The following GABPB2 variants were observed in gnomAD, a reference collection of about 807,000 sequenced individuals.
The protein encoded by GABPB2 is GA binding protein transcription factor subunit beta 2.
GABPB2 carries 23 observed loss-of-function variants against 39.1 expected under a neutral mutation model. That is an observed-to-expected ratio of 0.59 (90% CI 0.42 to 0.83). The LOEUF (loss-of-function observed/expected upper bound fraction) is 0.83. GABPB2 is among the 40% of genes least tolerant of loss of function. GABPB2 has a pLI of 0.00. For synonymous variants in GABPB2, 184 were observed against 199.3 expected (o/e 0.92, Z 0.65); for missense variants, 467 against 541.1 (o/e 0.86, Z 1.36).
chr1:151,098,860 GA>G (rs1679305557), intron 5 of GABPB2, among the ~76,000 whole-genome samples: 1 of 152,078 alleles, frequency 6.6e-6, no homozygotes, highest in South Asian at 2.1e-4. Context: ...GAAGTGGGTG[GA>G]TCACCTGAAG....
chr1:151,103,530 T>C lies in GABPB2; in HGVS notation c.623-32T>C, dbSNP rs762295307. 9 of 1,449,282 alleles carry C rather than the reference T, an allele frequency of 6.2e-6. No individual in the cohort carries two copies. The Admixed American group carries it at 1.5e-4, about 25-fold the overall frequency. 89.8% of individuals were successfully genotyped at this position (1,449,282 alleles called of 1,614,324 possible). Reference sequence around the variant, plus strand: ...AATTTGCCTCAATTTTTTCTCTACATTGGACCTCATTTGTCTTTCTTACTG... The same window carrying C: ...AATTTGCCTCAATTTTTTCTCTACACTGGACCTCATTTGTCTTTCTTACTG... On this transcript the variant is annotated intron_variant, in intron 5 of 8. Transcript: ENST00000368918.
rs1405982484 is a variant in GABPB2, at chr1:151,107,123, A to G, written c.823A>G (p.Ile275Val). 6.2e-7 allele frequency: 1 copy of G among 1,613,478 alleles called. No individual in the cohort carries two copies. The highest frequency in any genetic ancestry group is 8.5e-7 in the Non-Finnish European group (1 of 1,179,570). ...MGSGGQRVIT[I>V]VTDGVPLGNI... ...GAGTGGAGGCCAGAGGGTCATCACC[A>G]TAGTGACTGATGGAGTCCCTCTGGG... The change falls in exon 7 of 9, where the codon ATA (isoleucine) becomes GTA (valine). Residue 275 changes from isoleucine to valine, a missense_variant. Ile to Val is a conservative substitution (Grantham distance 29). Coordinates refer to ENST00000368918, the MANE Select transcript of GABPB2 (RefSeq NM_144618.3).
In GABPB2 at chr1:151,107,091, T is replaced by C. The variant is rs370984715; in HGVS notation, c.791T>C (p.Val264Ala). 134 of 1,613,034 alleles carry C rather than the reference T, an allele frequency of 8.3e-5. No individual in the cohort carries two copies. The highest frequency in any genetic ancestry group is 1.1e-4 in the Non-Finnish European group (134 of 1,179,598). Residue 264 changes from valine (V) to alanine (A), a missense_variant, in exon 7 of 9, where the codon GTA (valine) becomes GCA (alanine). By Grantham distance (64) the Val-to-Ala change is moderately conservative (BLOSUM62 0). Transcript: ENST00000368918. ...TCCGTTGACTCATCAATCCAGCAAGTAATGGGGAGTGGAGGCCAGAGGGTC... is the reference window on the plus strand; with the variant it reads ...TCCGTTGACTCATCAATCCAGCAAGCAATGGGGAGTGGAGGCCAGAGGGTC... ...GNSVDSSIQQVMGSGGQRVIT... is the reference protein window; with the variant it reads ...GNSVDSSIQQAMGSGGQRVIT...
intron 6 of GABPB2, among the ~76,000 whole-genome samples, chr1:151,105,693 G>T (rs1254387208): frequency 1.3e-5 from 2 of 151,852 alleles, no homozygotes; most frequent in Non-Finnish European, 2.9e-5. Flanking sequence ...TTTCAAATTT[G>T]GGGGGATGGT....
In GABPB2 at chr1:151,121,292, G is replaced by A. The variant is rs1026881231; in HGVS notation, c.*3036G>A. The stretch of plus-strand genomic sequence containing the variant: ...TTGTGCCTTATAGGGTGCTCAGTGT[G>A]TGTTGACAAAGGGAATAAGAACTGT... On this transcript the variant is annotated 3_prime_UTR_variant, in exon 9 of 9. Transcript: ENST00000368918. 1 of 152,120 alleles carries A rather than the reference G, an allele frequency of 6.6e-6. No individual in the cohort carries two copies. Among genetic ancestry groups the A allele is most frequent in the South Asian group, 2.1e-4 (1 of 4,832 alleles). 9.4% of individuals were successfully genotyped at this position (152,120 alleles called of 1,614,324 possible).
chr1:151,088,272 A>AC lies in GABPB2; in HGVS notation c.83_84insC (p.Gly29TrpfsTer35). The AC allele has an allele frequency of 4.3e-6, 7 of 1,613,830 alleles. No individual in the cohort carries two copies. The highest frequency in any genetic ancestry group is 5.9e-6 in the Non-Finnish European group (7 of 1,179,822). ...GATGAAGTGAGAACGTTGATGGCAA[A>AC]TGGCGCCCCATTCACCACAGACTGG... On this transcript the variant is annotated frameshift_variant, in exon 2 of 9. Coordinates refer to ENST00000368918, the MANE Select transcript of GABPB2 (RefSeq NM_144618.3). LOFTEE classifies it high-confidence loss of function.
At chr1:151,095,800 G>A (rs766885233) in intron 4 of GABPB2, among the ~76,000 whole-genome samples, 12 of 152,264 alleles carry the variant, frequency 7.9e-5, no homozygotes, top group Non-Finnish European at 1.6e-4. Flanking sequence ...TTGGGAGGCC[G>A]AGGTGGGTGA....
intron 1 of GABPB2, among the ~76,000 whole-genome samples, chr1:151,081,206 A>G (rs1386318101): frequency 6.6e-6 from 1 of 151,418 alleles, no homozygotes; most frequent in Non-Finnish European, 1.5e-5. Context: ...ATATATCTTC[A>G]GGCCTGGTGT....
chr1:151,093,451 C>T (rs1678873336), intron 4 of GABPB2, 65 bp downstream of exon 4: 3 of 1,318,080 alleles, frequency 2.3e-6, no homozygotes, highest in Admixed American at 2.7e-5. Context: ...TTTGTAGGAG[C>T]TGAATCAAAA....
chr1:151,101,161 G>A lies in GABPB2; in HGVS notation c.623-2401G>A, dbSNP rs184990265. On this transcript the variant is annotated intron_variant, in intron 5 of 8. Transcript: ENST00000368918. ...CCAGCTACTTGGGAGGCTGAGGTGG[G>A]AGAACAGCTTGGGCCTGGGAGGCAG... is the stretch of plus-strand genomic sequence containing the variant. 3.2e-3 allele frequency among the ~76,000 whole-genome samples: 493 copies of A among 152,240 alleles called. 2 individuals carry two copies. The highest frequency in any genetic ancestry group is 8.3e-3 in the South Asian group (40 of 4,822).
At chr1:151,085,911 T>C (rs1316501683) in intron 1 of GABPB2, among the ~76,000 whole-genome samples, 1 of 152,060 alleles carries the variant, frequency 6.6e-6, no homozygotes, top group East Asian at 1.9e-4. Context: ...GGACAGATCA[T>C]GCAGAATAGT....
intron 4 of GABPB2, 111 bp from the exon 5 acceptor site, chr1:151,097,741 T>G: frequency 9.7e-7 from 1 of 1,035,898 alleles, no homozygotes; most frequent in Non-Finnish European, 1.4e-6. Context: ...ATCGTGCCAC[T>G]GCACTCCAGC....
chr1:151,091,592 A>C (rs951735900), intron 3 of GABPB2, among the ~76,000 whole-genome samples: 3 of 150,324 alleles, frequency 2.0e-5, no homozygotes, highest in African/African-American at 7.3e-5. Flanking sequence ...CTCCTACCTC[A>C]GCCTCCCAAG....
intron 7 of GABPB2, chr1:151,112,749 G>T: frequency 5.4e-6 from 1 of 186,140 alleles, no homozygotes; most frequent in South Asian, 1.1e-4. Context: ...AGAGTGCAAC[G>T]AGGTAAAAGG....
chr1:151,071,476 T>G (rs1306562513), intron 1 of GABPB2, among the ~76,000 whole-genome samples: 3 of 68,386 alleles, frequency 4.4e-5, no homozygotes, highest in Non-Finnish European at 9.6e-5. Context: ...TTTTCAAAAC[T>G]GAGTCTTGCT....
chr1:151,103,561 G>A lies in GABPB2; in HGVS notation c.623-1G>A. The A allele has an allele frequency of 1.2e-6, 2 of 1,606,256 alleles. No individual in the cohort carries two copies. The highest frequency in any genetic ancestry group is 1.7e-6 in the Non-Finnish European group (2 of 1,173,626). ...CTCATTTGTCTTTCTTACTGAAATAGGTGACCCCCATGCCTCAACAGTACA... is the reference window on the plus strand; with the variant it reads ...CTCATTTGTCTTTCTTACTGAAATAAGTGACCCCCATGCCTCAACAGTACA... On this transcript the variant is annotated splice_acceptor_variant, in intron 5 of 8. Transcript: ENST00000368918. LOFTEE classifies it high-confidence loss of function.
chr1:151,079,065 A>T (rs960469218), intron 1 of GABPB2, among the ~76,000 whole-genome samples: 1 of 152,158 alleles, frequency 6.6e-6, no homozygotes. Context: ...ACGCATTTCT[A>T]TATCTTTCTT....
At chr1:151,094,307 C>T (rs1428144319) in intron 4 of GABPB2, among the ~76,000 whole-genome samples, 4 of 151,532 alleles carry the variant, frequency 2.6e-5, no homozygotes, top group Non-Finnish European at 5.9e-5. Context: ...CTGCCTTGGC[C>T]TCTCAAAGTG....
intron 1 of GABPB2, among the ~76,000 whole-genome samples, chr1:151,081,479 G>A (rs949856704): frequency 9.2e-5 from 14 of 151,838 alleles, no homozygotes; most frequent in Non-Finnish European, 1.3e-4. Context: ...ACAGAGCAGC[G>A]AAACCCTGTC....
Sources: gnomAD v4.1 joint callset for allele counts (sites outside exome capture counted in the v4.1 genomes callset) on GRCh38, gnomAD v4.1.1 for gene constraint, MANE v1.5 for transcripts, NCBI Gene and HGNC (gene_info 2026-07-23, HGNC 2026-07-21) for gene names.